Variants in CRB1 observed in about 807,000 individuals in gnomAD.
The protein encoded by CRB1 is crumbs cell polarity complex component 1.
A neutral mutation model predicts 120.0 loss-of-function variants in CRB1; 83 were observed. That is an observed-to-expected ratio of 0.69 (90% CI 0.58 to 0.83). The LOEUF (loss-of-function observed/expected upper bound fraction) is 0.83, where lower values mean the gene tolerates loss of function less well. Among genes scored for constraint, CRB1 ranks in the 40% least tolerant of loss-of-function variants. The probability of loss-of-function intolerance (pLI) is 0.00; values close to 1 mark genes in which losing one functional copy is unlikely to be tolerated. For missense variants in CRB1, 1,699 were observed against 1,687.6 expected, an observed-to-expected ratio of 1.01 and a Z score of -0.12; for synonymous variants, 625 against 612.5, an observed-to-expected ratio of 1.02 and a Z score of -0.30.
intron 5 of CRB1, among the ~76,000 whole-genome samples, chr1:197,358,638 G>C (rs562740101): frequency 8.5e-5 from 13 of 152,142 alleles, no homozygotes; most frequent in South Asian, 2.1e-4. Context: ...AGGGTCACAG[G>C]CTCCTCTATG....
the CRB1 span, among the ~76,000 whole-genome samples, chr1:197,246,515 TCTCA>T: frequency 2.0e-5 from 3 of 152,072 alleles, no homozygotes; most frequent in Non-Finnish European, 4.4e-5. Flanking sequence ...TCTGCTTTCT[TCTCA>T]CTATCTTTTA....
chr1:197,440,354 T>A (rs1358049208), intron 10 of CRB1: 1 of 152,226 alleles, frequency 6.6e-6, no homozygotes, highest in Non-Finnish European at 1.5e-5. Context: ...TTCAGATATA[T>A]TTGAAATATA....
At chr1:197,304,820 A>G (rs1657070520) in intron 1 of CRB1, among the ~76,000 whole-genome samples, 1 of 152,224 alleles carries the variant, frequency 6.6e-6, no homozygotes, top group Non-Finnish European at 1.5e-5. Flanking sequence ...AGGCAGTGCC[A>G]ATCCTACCCA....
Position 197,455,972 on chromosome 1 carries a change from G to A in CRB1, c.4005+13680G>A, listed in dbSNP as rs546431144. ...ACCAAATAGGCTATTTGCAATGAAA[G>A]TTATTTGATGTTTTGGAAATTATAT... is the stretch of plus-strand genomic sequence containing the variant. On this transcript the variant is annotated intron_variant, in intron 11 of 11. Coordinates refer to ENST00000367400, the MANE Select transcript of CRB1 (RefSeq NM_201253.3). Among the ~76,000 whole-genome samples the A allele has an allele frequency of 3.9e-5, 6 of 152,110 alleles. No individual in the cohort carries two copies. In the South Asian group the frequency reaches 8.3e-4, roughly 21 times the overall value.
intron 1 of CRB1, among the ~76,000 whole-genome samples, chr1:197,290,280 G>GTGTA (rs1337149828): frequency 6.6e-6 from 1 of 150,614 alleles, no homozygotes; most frequent in African/African-American, 2.4e-5. Flanking sequence ...GTGTGTGTGT[G>GTGTA]TGTGTGTGTG....
At chr1:197,476,930 T>TA (rs1667222520) in intron 11 of CRB1, among the ~76,000 whole-genome samples, 1 of 152,178 alleles carries the variant, frequency 6.6e-6, no homozygotes, top group Non-Finnish European at 1.5e-5. Context: ...TCAGGTTTGC[T>TA]AAAAAGTGTT....
chr1:197,259,179 T>C, the CRB1 span, among the ~76,000 whole-genome samples: 1 of 152,226 alleles, frequency 6.6e-6, no homozygotes, highest in African/African-American at 2.4e-5. Flanking sequence ...CATTACTGGG[T>C]ATATACCCAA....
chr1:197,365,574 T>A (rs1055565780), intron 5 of CRB1, among the ~76,000 whole-genome samples: 1 of 151,552 alleles, frequency 6.6e-6, no homozygotes, highest in Admixed American at 6.6e-5. Flanking sequence ...TTTTCTTTTC[T>A]TTTTTTCTCC....
At chr1:197,441,678 T>TC (rs1665446263) in intron 10 of CRB1, 1 of 146,940 alleles carries the variant, frequency 6.8e-6, no homozygotes, top group African/African-American at 2.5e-5. Flanking sequence ...TTTTTTTTTT[T>TC]TTTTTGGTTT....
rs1187655011 is a variant in CRB1 at position 197,356,862 on chromosome 1, C to T, written c.1020C>T (p.Leu340=). 1.2e-6 allele frequency: 2 copies of T among 1,614,090 alleles called. No individual in the cohort carries two copies. Among genetic ancestry groups the T allele is most frequent in the Non-Finnish European group, 8.5e-7 (1 of 1,180,044 alleles). Residue 340 remains leucine, a synonymous_variant, in exon 5 of 12, where the codon CTC becomes CTT. Coordinates refer to ENST00000367400, the MANE Select transcript of CRB1 (RefSeq NM_201253.3). ...CAGGTGCCCAGTGTGAGATCGACCT[C>T]AATGAATGCAATAGTAACCCCTGCC... ...GYTGAQCEID[L]NECNSNPCQS...
chr1:197,354,842 ACCCCCCCC>A (rs1558076358), intron 4 of CRB1, among the ~76,000 whole-genome samples: 1 of 8,090 alleles, frequency 1.2e-4, no homozygotes, highest in African/African-American at 4.4e-4. Flanking sequence ...CCCCCCGCCC[ACCCCCCCC>A]CCCCCGCCCA....
intron 5 of CRB1, among the ~76,000 whole-genome samples, chr1:197,373,098 G>C (rs961001649): frequency 2.6e-5 from 4 of 151,974 alleles, no homozygotes; most frequent in African/African-American, 9.7e-5. Flanking sequence ...ATGAAACTAG[G>C]GTGTCCCAAC....
At chr1:197,469,513 T>G (rs1283199340) in intron 11 of CRB1, among the ~76,000 whole-genome samples, 1 of 152,054 alleles carries the variant, frequency 6.6e-6, no homozygotes, top group Non-Finnish European at 1.5e-5. Flanking sequence ...AATGAAGAGA[T>G]GAAAAGGATG....
At chr1:197,260,291 T>C in the CRB1 span, among the ~76,000 whole-genome samples, 1 of 152,150 alleles carries the variant, frequency 6.6e-6, no homozygotes, top group East Asian at 1.9e-4. Context: ...ACGGGTTTCA[T>C]ACATGATTTT....
At chr1:197,320,802 A>G (rs1658146421) in intron 1 of CRB1, among the ~76,000 whole-genome samples, 1 of 152,188 alleles carries the variant, frequency 6.6e-6, no homozygotes, top group South Asian at 2.1e-4. Context: ...CTCTTATTAA[A>G]CTATTAATTA....
chr1:197,324,478 A>T (rs1016083209), intron 1 of CRB1, among the ~76,000 whole-genome samples: 7 of 152,188 alleles, frequency 4.6e-5, no homozygotes, highest in Non-Finnish European at 8.8e-5. Flanking sequence ...CTTTATGTGT[A>T]TTATCTCTTT....
chr1:197,343,366 T>C (rs1158249523), intron 2 of CRB1, among the ~76,000 whole-genome samples: 1 of 152,208 alleles, frequency 6.6e-6, no homozygotes, highest in Non-Finnish European at 1.5e-5. Flanking sequence ...TATCAAATAC[T>C]ATTTTGGCAC....
the CRB1 span, among the ~76,000 whole-genome samples, chr1:197,212,785 C>G: frequency 6.6e-6 from 1 of 151,938 alleles, no homozygotes; most frequent in East Asian, 1.9e-4. Context: ...AAGAGTGTCA[C>G]CCAGACACGT....
Position 197,293,158 on chromosome 1 carries a change from A to G in CRB1, c.70+24676A>G, listed in dbSNP as rs1232484284. Among the ~76,000 whole-genome samples the G allele has an allele frequency of 2.0e-5, 3 of 152,178 alleles. No homozygotes were observed. In the East Asian group the frequency reaches 5.8e-4, roughly 29 times the overall value. On this transcript the variant is annotated intron_variant, in intron 1 of 11. Coordinates refer to ENST00000367400, the MANE Select transcript of CRB1 (RefSeq NM_201253.3). ...CAGATGATATGATTGTATATTTAGA[A>G]AACCCCATCGTCTCAGTGCAAAATC... is the stretch of plus-strand genomic sequence containing the variant.
Sources: allele counts gnomAD v4.1 joint callset (sites outside exome capture counted in the v4.1 genomes callset), GRCh38; gene constraint gnomAD v4.1.1; transcripts MANE v1.5; gene names NCBI Gene and HGNC (gene_info 2026-07-23, HGNC 2026-07-21).